The following CELF2 variants were observed in gnomAD, a reference collection of about 807,000 sequenced individuals.
CELF2 encodes the protein CUG triplet repeat RNA-binding protein 2.
In CELF2, 8 loss-of-function variants were observed where a neutral mutation model predicts 62.6. The observed-to-expected ratio is 0.13, with a 90% CI of 0.07 to 0.23. CELF2 has a LOEUF of 0.23. Among genes scored for constraint, CELF2 ranks in the 10% least tolerant of loss-of-function variants. The probability of loss-of-function intolerance (pLI) is 1.00; values close to 1 mark genes in which losing one functional copy is unlikely to be tolerated. For synonymous variants in CELF2, 258 were observed against 250.0 expected, an observed-to-expected ratio of 1.03 and a Z score of -0.30; for missense variants, 333 against 671.0, an observed-to-expected ratio of 0.50 and a Z score of 5.56.
chr10:10,732,211 C>T, the CELF2 span, among the ~76,000 whole-genome samples: 1 of 152,128 alleles, frequency 6.6e-6, no homozygotes, highest in Non-Finnish European at 1.5e-5. Context: ...CAAGGTTTAG[C>T]TTATTGTGAC....
At chr10:10,768,759 A>T in the CELF2 span, among the ~76,000 whole-genome samples, 1 of 151,800 alleles carries the variant, frequency 6.6e-6, no homozygotes, top group South Asian at 2.1e-4. Flanking sequence ...TTTTTTGTAG[A>T]TACAGGGTTT....
chr10:10,517,815 G>C, the CELF2 span, among the ~76,000 whole-genome samples: 1 of 152,222 alleles, frequency 6.6e-6, no homozygotes, highest in Admixed American at 6.5e-5. Flanking sequence ...AATTATGTGG[G>C]AGAGGTTTGC....
intron 2 of CELF2, among the ~76,000 whole-genome samples, chr10:10,942,245 A>T (rs1345444683): frequency 5.3e-5 from 8 of 152,170 alleles, no homozygotes; most frequent in Non-Finnish European, 1.2e-4. Flanking sequence ...AACAACAAAC[A>T]TTTGTTATCT....
the CELF2 span, among the ~76,000 whole-genome samples, chr10:10,607,786 C>G: frequency 6.6e-6 from 1 of 152,100 alleles, no homozygotes; most frequent in Non-Finnish European, 1.5e-5. Flanking sequence ...GGGGATGTCT[C>G]CAAACAAAAC....
chr10:10,851,957 G>A (rs1355818195), intron 1 of CELF2, among the ~76,000 whole-genome samples: 2 of 152,160 alleles, frequency 1.3e-5, no homozygotes, highest in African/African-American at 2.4e-5. Flanking sequence ...ATCAAGTGTT[G>A]GCAAGTATGG....
the CELF2 span, among the ~76,000 whole-genome samples, chr10:10,717,387 A>C: frequency 3.3e-5 from 5 of 152,176 alleles, no homozygotes; most frequent in Non-Finnish European, 7.4e-5. Flanking sequence ...TTAAAAAAAA[A>C]AAGTATCTTA....
the CELF2 span, among the ~76,000 whole-genome samples, chr10:10,791,209 C>T: frequency 6.6e-6 from 1 of 151,784 alleles, no homozygotes. Context: ...GTTAGAAACA[C>T]TGAAATATTT....
chr10:10,923,657 G>GA (rs970351887), intron 2 of CELF2, among the ~76,000 whole-genome samples: 2 of 152,140 alleles, frequency 1.3e-5, no homozygotes, highest in Non-Finnish European at 2.9e-5. Context: ...TAAGTCACCA[G>GA]AAAAAAATTA....
rs561718780 is a variant in CELF2, at chr10:10,931,718, T to C, written c.89+11719T>C. ...ATGGAGATGCTTATGGACACCACAATGAAACCTTAAAATGAATCTCTTGAT... is the reference window on the plus strand; with the variant it reads ...ATGGAGATGCTTATGGACACCACAACGAAACCTTAAAATGAATCTCTTGAT... On this transcript the variant is annotated intron_variant, in intron 2 of 13. Transcript: ENST00000636488. This position sits in a 1 kb window ranked among gnomAD's most constrained non-coding sequence, Gnocchi z 6.1. 6.6e-6 allele frequency among the ~76,000 whole-genome samples: 1 copy of C among 152,220 alleles called. No individual in the cohort carries two copies. The highest frequency in any genetic ancestry group is 1.5e-5 in the Non-Finnish European group (1 of 68,040).
chr10:11,219,952 C>A (rs979632306), intron 3 of CELF2, among the ~76,000 whole-genome samples: 7 of 152,126 alleles, frequency 4.6e-5, no homozygotes, highest in African/African-American at 1.7e-4. Context: ...CATTAAATAC[C>A]AAGTGAGTTC....
chr10:10,537,627 T>C, the CELF2 span, among the ~76,000 whole-genome samples: 1 of 152,252 alleles, frequency 6.6e-6, no homozygotes, highest in African/African-American at 2.4e-5. Flanking sequence ...CTGGAAGTTT[T>C]TGGTGTCAGG....
intron 2 of CELF2, among the ~76,000 whole-genome samples, chr10:10,991,064 T>C (rs2053382075): frequency 6.6e-6 from 1 of 152,056 alleles, no homozygotes; most frequent in Non-Finnish European, 1.5e-5. Context: ...GTTCACAGCT[T>C]AGGCAGAGAA....
Position 11,191,909 on chromosome 10 carries a change from C to G in CELF2, c.272-25516C>G, listed in dbSNP as rs2076364388. ...CTGCCCTCCCATGCAGAGGCCCCGCCCTGTGTCCACTCTACTTCTTAGGAA... is the reference window on the plus strand; with the variant it reads ...CTGCCCTCCCATGCAGAGGCCCCGCGCTGTGTCCACTCTACTTCTTAGGAA... On this transcript the variant is annotated intron_variant, in intron 2 of 12. Transcript: ENST00000633077. This position sits in a 1 kb window ranked among gnomAD's most constrained non-coding sequence, Gnocchi z 4.1. 1.3e-5 allele frequency among the ~76,000 whole-genome samples: 2 copies of G among 152,164 alleles called. No homozygotes were observed. Among genetic ancestry groups the G allele is most frequent in the Admixed American group, 1.3e-4 (2 of 15,280 alleles).
At chr10:10,930,112 A>C (rs2065918188) in intron 2 of CELF2, among the ~76,000 whole-genome samples, 1 of 152,236 alleles carries the variant, frequency 6.6e-6, no homozygotes, top group Non-Finnish European at 1.5e-5. Context: ...TTTATAATAT[A>C]GTGTTCTGAT....
rs1455557661 is a variant in CELF2 at position 10,997,937 on chromosome 10, G to A, written c.89+77938G>A. 2.6e-5 allele frequency among the ~76,000 whole-genome samples: 4 copies of A among 152,162 alleles called. No homozygotes were observed. The highest frequency in any genetic ancestry group is 7.2e-5 in the African/African-American group (3 of 41,442). ...CCCCACGTGTCATGGGAGGGACCCG[G>A]TGGGAGGTAATTGAATCATGGAGGC... On this transcript the variant is annotated intron_variant, in intron 2 of 13. Coordinates refer to the CELF2 transcript ENST00000636488. This position sits in a 1 kb window ranked among gnomAD's most constrained non-coding sequence, Gnocchi z 5.3.
the CELF2 span, among the ~76,000 whole-genome samples, chr10:10,550,348 C>T: frequency 6.4e-3 from 967 of 152,248 alleles, 11 homozygotes; most frequent in African/African-American, 0.022. Flanking sequence ...CCTGCTGCCT[C>T]TGGGGTGGCA....
chr10:11,178,623 C>G lies in CELF2; in HGVS notation c.271+12941C>G, dbSNP rs1403691131. 6.6e-6 allele frequency among the ~76,000 whole-genome samples: 1 copy of G among 152,160 alleles called. No individual in the cohort carries two copies. ...TTATGCCACAGATTAAACTCCAAGG[C>G]AAATAAATGTGTGACAGCTTAAGAG... On this transcript the variant is annotated intron_variant, in intron 2 of 12. Coordinates refer to ENST00000633077, the MANE Select transcript of CELF2 (RefSeq NM_001326342.2). This position sits in a 1 kb window ranked among gnomAD's most constrained non-coding sequence, Gnocchi z 4.3.
the CELF2 span, among the ~76,000 whole-genome samples, chr10:10,702,094 C>A: frequency 6.6e-6 from 1 of 152,068 alleles, no homozygotes; most frequent in Non-Finnish European, 1.5e-5. Flanking sequence ...AGATTTGCTT[C>A]CTTAATTAGT....
the CELF2 span, among the ~76,000 whole-genome samples, chr10:10,538,151 C>T: frequency 2.0e-5 from 3 of 152,138 alleles, no homozygotes; most frequent in South Asian, 6.2e-4. Flanking sequence ...AGTAGGGGTG[C>T]CCTGACAAAG....
Sources: gnomAD v4.1 joint callset for allele counts (sites outside exome capture counted in the v4.1 genomes callset) on GRCh38, gnomAD v4.1.1 for gene constraint, Gnocchi (gnomAD v3.1) non-coding constraint, MANE v1.5 for transcripts, NCBI Gene and HGNC (gene_info 2026-07-23, HGNC 2026-07-21) for gene names.